Variants in TUFT1 observed in about 807,000 individuals in gnomAD.
The protein encoded by TUFT1 is tuftelin.
In TUFT1, 43 loss-of-function variants were observed where a neutral mutation model predicts 57.8. The observed-to-expected ratio is 0.74, with a 90% CI of 0.58 to 0.96. The LOEUF (loss-of-function observed/expected upper bound fraction) is 0.96, where lower values mean the gene tolerates loss of function less well. TUFT1 is among the 40% of genes least tolerant of loss of function. The probability of loss-of-function intolerance (pLI) is 0.00; values close to 1 mark genes in which losing one functional copy is unlikely to be tolerated. For synonymous variants in TUFT1, 166 were observed against 176.7 expected, an observed-to-expected ratio of 0.94 and a Z score of 0.48; for missense variants, 459 against 489.0, an observed-to-expected ratio of 0.94 and a Z score of 0.58.
Position 151,563,891 on chromosome 1 carries a change from G to C in TUFT1, c.238-13G>C, listed in dbSNP as rs1665977314. Reference sequence around the variant, plus strand: ...ATTTGAGGTTTCTTAACTAAATGGTGTTCTTATTTCAGGTGTACTTGAAGG... The same window carrying C: ...ATTTGAGGTTTCTTAACTAAATGGTCTTCTTATTTCAGGTGTACTTGAAGG... On this transcript the variant is annotated splice_polypyrimidine_tract_variant and intron_variant, in intron 3 of 12. Coordinates refer to ENST00000368849, the MANE Select transcript of TUFT1 (RefSeq NM_020127.3). 7 of 1,611,032 alleles carry C rather than the reference G, an allele frequency of 4.3e-6. No individual in the cohort carries two copies. Among genetic ancestry groups the C allele is most frequent in the Non-Finnish European group, 5.1e-6 (6 of 1,177,342 alleles).
chr1:151,545,739 A>C (rs377465609), intron 1 of TUFT1: 22 of 461,986 alleles, frequency 4.8e-5, no homozygotes, highest in Non-Finnish European at 9.7e-5. Flanking sequence ...CAGGTCCCTC[A>C]ACCAGTGGAG....
rs554857749 is a variant in TUFT1 at position 151,569,511 on chromosome 1, A to G, written c.481-146A>G. 23 of 658,864 alleles carry G rather than the reference A, an allele frequency of 3.5e-5. No individual in the cohort carries two copies. In the South Asian group the frequency reaches 4.0e-4, roughly 11 times the overall value. 40.8% of individuals were successfully genotyped at this position (658,864 alleles called of 1,614,324 possible). A position where few individuals can be genotyped will look rare whatever the true frequency, so the allele number is the denominator to read the frequency against. ...CTCAGAATTCCTGGCTGCCTAAGGT[A>G]ACTCTCCCCTTGTGTGATGACAGTT... On this transcript the variant is annotated intron_variant, in intron 6 of 12. Transcript: ENST00000368849.
At chr1:151,556,355 C>G (rs1665697019) in intron 1 of TUFT1, among the ~76,000 whole-genome samples, 1 of 151,148 alleles carries the variant, frequency 6.6e-6, no homozygotes, top group African/African-American at 2.4e-5. Flanking sequence ...TTTCCCTTTC[C>G]CTCCCTGCCT....
intron 1 of TUFT1, among the ~76,000 whole-genome samples, chr1:151,559,456 G>GA (rs1665814194): frequency 6.6e-6 from 1 of 152,160 alleles, no homozygotes; most frequent in Non-Finnish European, 1.5e-5. Context: ...CGCCTTAGGT[G>GA]AAAATGGGAA....
chr1:151,564,680 T>A, intron 5 of TUFT1, 66 bp downstream of exon 5: 1 of 1,298,558 alleles, frequency 7.7e-7, no homozygotes, highest in Non-Finnish European at 1.1e-6. Context: ...GCAGTCTCAT[T>A]TACCAATTAC....
chr1:151,570,185 G>A (rs1304731212), intron 7 of TUFT1, among the ~76,000 whole-genome samples: 1 of 152,176 alleles, frequency 6.6e-6, no homozygotes, highest in Non-Finnish European at 1.5e-5. Context: ...CTTCATAAAC[G>A]TGGACTGGAT....
intron 4 of TUFT1, 115 bp from the exon 5 acceptor site, chr1:151,564,410 C>G (rs1362411333): frequency 1.4e-6 from 1 of 734,138 alleles, no homozygotes; most frequent in Non-Finnish European, 2.4e-6. Context: ...TGCAGCCAGT[C>G]GTTAGGACAG....
chr1:151,543,983 AC>A (rs1665250300), intron 1 of TUFT1, among the ~76,000 whole-genome samples: 1 of 82,986 alleles, frequency 1.2e-5, no homozygotes, highest in Non-Finnish European at 2.4e-5. Flanking sequence ...TCTTTAAATC[AC>A]TTTTTTTTTT....
At chr1:151,556,017 C>T (rs1460894301) in intron 1 of TUFT1, among the ~76,000 whole-genome samples, 1 of 152,130 alleles carries the variant, frequency 6.6e-6, no homozygotes. Flanking sequence ...CCCCCACTTT[C>T]TTCTTAACTC....
intron 1 of TUFT1, among the ~76,000 whole-genome samples, chr1:151,555,515 A>G (rs1665664119): frequency 6.7e-6 from 1 of 149,634 alleles, no homozygotes; most frequent in South Asian, 2.1e-4. Context: ...ATGGTGGCTC[A>G]CACCTGTAAT....
rs1427250562 is a variant in TUFT1, at chr1:151,569,585, G to A, written c.481-72G>A. On this transcript the variant is annotated intron_variant, in intron 6 of 12. Coordinates refer to ENST00000368849, the MANE Select transcript of TUFT1 (RefSeq NM_020127.3). ...AGATGGTCCAAACCAGTGTGTGCCT[G>A]GGAGGGGGGACCTTTTCTTACTGAG... is the stretch of plus-strand genomic sequence containing the variant. 5.6e-6 allele frequency: 7 copies of A among 1,257,918 alleles called. No homozygotes were observed. In the African/African-American group the frequency reaches 5.9e-5, roughly 11 times the overall value. 77.9% of individuals were successfully genotyped at this position (1,257,918 alleles called of 1,614,324 possible).
At chr1:151,561,094 C>T (rs1324582076) in intron 1 of TUFT1, among the ~76,000 whole-genome samples, 3 of 151,876 alleles carry the variant, frequency 2.0e-5, no homozygotes, top group Non-Finnish European at 4.4e-5. Flanking sequence ...CCCGGGTTCA[C>T]GCCATTCTGC....
At chr1:151,569,464 G>A (rs75198297) in intron 6 of TUFT1, among the ~76,000 whole-genome samples, 193 bp from the exon 7 acceptor site, 3,674 of 152,282 alleles carry the variant, frequency 0.024, 161 homozygotes, top group African/African-American at 0.078. Context: ...AGGGTATGAA[G>A]GGACAATGTT....
rs1208487230 is a variant in TUFT1 at position 151,569,242 on chromosome 1, C to T, written c.481-415C>T. On this transcript the variant is annotated intron_variant, in intron 6 of 12. Transcript: ENST00000368849. ...TTTGGACCACTCCCTTTGTGATGGG[C>T]GCGACATAGTCCCTGTCCTGTGGGA... is the stretch of plus-strand genomic sequence containing the variant. Among the ~76,000 whole-genome samples the T allele has an allele frequency of 4.6e-5, 7 of 152,084 alleles. No homozygotes were observed. The East Asian group carries it at 5.8e-4, about 13-fold the overall frequency.
chr1:151,572,258 G>C (rs1571714451), intron 7 of TUFT1, among the ~76,000 whole-genome samples: 1 of 151,972 alleles, frequency 6.6e-6, no homozygotes, highest in Non-Finnish European at 1.5e-5. Flanking sequence ...GGTGCTCCTC[G>C]GGTCATTCCC....
chr1:151,542,624 C>T (rs961148880), intron 1 of TUFT1, among the ~76,000 whole-genome samples: 1 of 152,114 alleles, frequency 6.6e-6, no homozygotes, highest in African/African-American at 2.4e-5. Flanking sequence ...CAGATGGTCT[C>T]CATCATAGGT....
intron 6 of TUFT1, 139 bp downstream of exon 6, chr1:151,566,367 C>T (rs1222709650): frequency 1.5e-6 from 1 of 686,968 alleles, no homozygotes; most frequent in East Asian, 2.8e-5. Context: ...AAAATTCAAA[C>T]ACAGAGAAAT....
chr1:151,569,789 G>C lies in TUFT1; in HGVS notation c.594+19G>C, dbSNP rs1473644984. 3 of 1,601,612 alleles carry C rather than the reference G, an allele frequency of 1.9e-6. No individual in the cohort carries two copies. The highest frequency in any genetic ancestry group is 2.6e-6 in the Non-Finnish European group (3 of 1,168,840). Reference sequence around the variant, plus strand: ...TTTTGAGGTGAGATTTGGGATTTGGGGAGAAGGTGCCCTAAGGGATGGGCT... The same window carrying C: ...TTTTGAGGTGAGATTTGGGATTTGGCGAGAAGGTGCCCTAAGGGATGGGCT... On this transcript the variant is annotated intron_variant, in intron 7 of 12. Coordinates refer to ENST00000368849, the MANE Select transcript of TUFT1 (RefSeq NM_020127.3).
rs1274403361 is a variant in TUFT1, at chr1:151,578,749, G to A, written c.847G>A (p.Gly283Arg). Residue 283 changes from glycine to arginine, a missense_variant, in exon 10 of 13, where the codon GGG (glycine) becomes AGG (arginine). Coordinates refer to ENST00000368849, the MANE Select transcript of TUFT1 (RefSeq NM_020127.3). ...TGCTACCCTGGAAAAGGAAGTGGCC[G>A]GGTTGCGGGAGAAGATCCACCACTT... ...KAATLEKEVA[G>R]LREKIHHLDD... 6 of 1,579,842 alleles carry A rather than the reference G, an allele frequency of 3.8e-6. No homozygotes were observed. Among genetic ancestry groups the A allele is most frequent in the African/African-American group, 2.7e-5 (2 of 74,204 alleles).
Sources: allele counts gnomAD v4.1 joint callset (sites outside exome capture counted in the v4.1 genomes callset), GRCh38; gene constraint gnomAD v4.1.1; transcripts MANE v1.5; gene names NCBI Gene and HGNC (gene_info 2026-07-23, HGNC 2026-07-21).